PTPRD: variants seen among roughly 807,000 people sequenced by gnomAD.
PTPRD encodes protein tyrosine phosphatase receptor type D.
In PTPRD, 34 loss-of-function variants were observed where a neutral mutation model predicts 214.5. The observed-to-expected ratio is 0.16, with a 90% CI of 0.12 to 0.21. The LOEUF (loss-of-function observed/expected upper bound fraction) is 0.21, where lower values mean the gene tolerates loss of function less well. Ranked by LOEUF, PTPRD falls within the 10% of genes least tolerant of loss-of-function variation. PTPRD has a pLI of 1.00. For synonymous variants in PTPRD, 1,128 were observed against 845.7 expected (o/e 1.33, Z -5.79); for missense variants, 2,545 against 2,398.7 (o/e 1.06, Z -1.27).
chr9:8,442,337 C>G (rs1025448231), intron 34 of PTPRD, among the ~76,000 whole-genome samples: 2 of 151,856 alleles, frequency 1.3e-5, no homozygotes, highest in Non-Finnish European at 2.9e-5. Context: ...AACACTTGCT[C>G]TATTTTCATA....
chr9:8,410,858 G>T (rs1178475493), intron 35 of PTPRD, among the ~76,000 whole-genome samples: 1 of 152,102 alleles, frequency 6.6e-6, no homozygotes, highest in Non-Finnish European at 1.5e-5. Flanking sequence ...GAACTGACAT[G>T]CAGGGAACAA....
At chr9:9,423,180 A>G (rs2079479963) in intron 8 of PTPRD, among the ~76,000 whole-genome samples, 1 of 152,204 alleles carries the variant, frequency 6.6e-6, no homozygotes, top group South Asian at 2.1e-4. Context: ...AATGTCCAGT[A>G]TATGAAATGA....
At chr9:8,834,065 C>G (rs1279784141) in intron 11 of PTPRD, among the ~76,000 whole-genome samples, 2 of 152,008 alleles carry the variant, frequency 1.3e-5, no homozygotes, top group East Asian at 1.9e-4. Context: ...GTCTTTTTCA[C>G]TCTCATTTCC....
At chr9:10,053,324 T>C (rs557413319) in intron 3 of PTPRD, among the ~76,000 whole-genome samples, 13 of 152,308 alleles carry the variant, frequency 8.5e-5, no homozygotes, top group African/African-American at 3.1e-4. Flanking sequence ...GCAATCATAT[T>C]CTCTTTTGTT....
intron 9 of PTPRD, among the ~76,000 whole-genome samples, chr9:9,251,352 A>C (rs1334903105): frequency 6.6e-6 from 1 of 152,070 alleles, no homozygotes; most frequent in East Asian, 1.9e-4. Context: ...ATCCCTGCCT[A>C]CTTTTCTAGC....
chr9:8,752,794 G>C (rs1183711348), intron 11 of PTPRD, among the ~76,000 whole-genome samples: 1 of 151,906 alleles, frequency 6.6e-6, no homozygotes, highest in African/African-American at 2.4e-5. Flanking sequence ...GATCATCTAA[G>C]CTGGGCCACC....
intron 3 of PTPRD, among the ~76,000 whole-genome samples, chr9:10,080,119 G>T (rs1416492088): frequency 2.0e-5 from 3 of 151,952 alleles, no homozygotes; most frequent in Admixed American, 2.0e-4. Flanking sequence ...AATGCAAAGA[G>T]AACAGCATAC....
rs558974485 is a variant in PTPRD, at chr9:10,601,001, T to C, written c.-600+11397A>G. Among the ~76,000 whole-genome samples the C allele has an allele frequency of 3.5e-3, 530 of 151,878 alleles. 5 individuals are homozygous for C. The highest frequency in any genetic ancestry group is 0.012 in the African/African-American group (494 of 41,478). Reference sequence around the variant, plus strand: ...ATTTAAACTTCAAGGTGTTTTTAGCTTTATTATAAAATTCTACAGGGGAAA... The same window carrying C: ...ATTTAAACTTCAAGGTGTTTTTAGCCTTATTATAAAATTCTACAGGGGAAA... On this transcript the variant is annotated intron_variant, in intron 2 of 45. Transcript: ENST00000381196.
At position 9,209,010 on chromosome 9, in the gene PTPRD, A is replaced by C. The variant is rs375475643; in HGVS notation, c.-202-25647T>G. Among the ~76,000 whole-genome samples, 17 of 151,984 alleles carry C rather than the reference A, an allele frequency of 1.1e-4. No homozygotes were observed. In the East Asian group the frequency reaches 1.2e-3, roughly 10 times the overall value. On this transcript the variant is annotated intron_variant, in intron 9 of 45. Transcript: ENST00000381196. ...CTTTTAGTAGAGACAGGGTTTCACCATGTTTGCCAGGATGGTCTCGATCTC... is the reference window on the plus strand; with the variant it reads ...CTTTTAGTAGAGACAGGGTTTCACCCTGTTTGCCAGGATGGTCTCGATCTC...
chr9:9,245,532 C>T (rs2099972624), intron 9 of PTPRD, among the ~76,000 whole-genome samples: 1 of 151,878 alleles, frequency 6.6e-6, no homozygotes, highest in Non-Finnish European at 1.5e-5. Context: ...AAAAACCAAA[C>T]ACTGCATGTT....
intron 11 of PTPRD, among the ~76,000 whole-genome samples, chr9:8,744,092 T>C (rs991895639): frequency 6.6e-6 from 1 of 151,988 alleles, no homozygotes; most frequent in Admixed American, 6.6e-5. Context: ...AAAACCACAA[T>C]GCAATACCAC....
intron 9 of PTPRD, among the ~76,000 whole-genome samples, chr9:9,211,601 A>G (rs2099948761): frequency 6.6e-6 from 1 of 151,984 alleles, no homozygotes; most frequent in Admixed American, 6.6e-5. Context: ...AAGTTAAATT[A>G]CAAGACCTTT....
In PTPRD at chr9:10,098,920, G is replaced by A. The variant is rs2098523114; in HGVS notation, c.-544-65130C>T. Among the ~76,000 whole-genome samples the A allele has an allele frequency of 5.3e-5, 8 of 151,684 alleles. No individual in the cohort carries two copies. In the Admixed American group the frequency reaches 5.3e-4, roughly 10 times the overall value. ...ATACAATATTTTTCTCATTTCTACA[G>A]GTTAAAAATTGGAGCAAGAAGTCAA... On this transcript the variant is annotated intron_variant, in intron 3 of 45. Coordinates refer to ENST00000381196, the MANE Select transcript of PTPRD (RefSeq NM_002839.4).
At chr9:9,556,212 T>C (rs190175323) in intron 8 of PTPRD, among the ~76,000 whole-genome samples, 1 of 152,146 alleles carries the variant, frequency 6.6e-6, no homozygotes, top group Non-Finnish European at 1.5e-5. Context: ...AGAAAATCAT[T>C]AGAAAGCGAA....
At chr9:9,874,533 C>G (rs1600520172) in intron 5 of PTPRD, among the ~76,000 whole-genome samples, 1 of 152,118 alleles carries the variant, frequency 6.6e-6, no homozygotes, top group Non-Finnish European at 1.5e-5. Flanking sequence ...AGACCTAAAA[C>G]AGGTGCTAGA....
chr9:10,329,833 C>T (rs1446517164), intron 3 of PTPRD, among the ~76,000 whole-genome samples: 2 of 151,692 alleles, frequency 1.3e-5, no homozygotes, highest in African/African-American at 4.8e-5. Flanking sequence ...CATGTTTCTA[C>T]CATTTAAAAT....
intron 11 of PTPRD, among the ~76,000 whole-genome samples, chr9:8,980,390 TG>T (rs2099304497): frequency 6.6e-6 from 1 of 152,096 alleles, no homozygotes; most frequent in South Asian, 2.1e-4. Context: ...TAGCTGCTTT[TG>T]TCATAAAAAC....
intron 10 of PTPRD, among the ~76,000 whole-genome samples, chr9:9,062,695 A>T (rs149096881): frequency 1.3e-5 from 2 of 152,288 alleles, no homozygotes; most frequent in African/African-American, 4.8e-5. Flanking sequence ...TTATACCAAT[A>T]GTGAAAATAG....
intron 9 of PTPRD, among the ~76,000 whole-genome samples, chr9:9,380,614 C>T (rs1248703081): frequency 6.6e-6 from 1 of 152,120 alleles, no homozygotes; most frequent in Admixed American, 6.6e-5. Context: ...TGTGGTCTAT[C>T]TTAGTAAATG....
Sources: allele counts gnomAD v4.1 joint callset (sites outside exome capture counted in the v4.1 genomes callset), GRCh38; gene constraint gnomAD v4.1.1; transcripts MANE v1.5; gene names NCBI Gene and HGNC (gene_info 2026-07-23, HGNC 2026-07-21).